Variants in UGT1A4 observed in about 807,000 individuals in gnomAD.
The protein encoded by UGT1A4 is UDP glucuronosyltransferase family 1 member A4, also known as UDP-glucuronosyltransferase 1A4.
UGT1A4 carries 32 observed loss-of-function variants against 41.1 expected under a neutral mutation model. That is an observed-to-expected ratio of 0.78 (90% CI 0.59 to 1.05). UGT1A4 has a LOEUF of 1.05. Ranked by LOEUF, UGT1A4 falls within the 50% of genes least tolerant of loss-of-function variation. The pLI, the probability that UGT1A4 is intolerant of heterozygous loss-of-function variation, is 0.00. For missense variants in UGT1A4, 748 were observed against 677.4 expected (o/e 1.10, Z -1.16); for synonymous variants, 283 against 265.1 (o/e 1.07, Z -0.66).
Position 233,748,142 on chromosome 2 carries a change from T to C in UGT1A4, c.868-18892T>C, listed in dbSNP as rs189249427. 1.9e-6 allele frequency: 3 copies of C among 1,607,776 alleles called. No homozygotes were observed. In the East Asian group the frequency reaches 6.7e-5, roughly 36 times the overall value. On this transcript the variant is annotated intron_variant, in intron 1 of 4. Coordinates refer to ENST00000373409, the MANE Select transcript of UGT1A4 (RefSeq NM_007120.3). ...CAAAACAGTTTTTAAAAATTGTATT[T>C]ACTTACAATTGCTTCCATATCTACT...
intron 1 of UGT1A4, chr2:233,755,184 T>C: frequency 8.4e-7 from 1 of 1,195,602 alleles, no homozygotes. Context: ...GGGGTGCCAC[T>C]TGAGCGCCAG....
rs753056825 is a variant in UGT1A4 at position 233,767,178 on chromosome 2, T to C, written c.999+13T>C. 16 of 1,614,056 alleles carry C rather than the reference T, an allele frequency of 9.9e-6. No homozygotes were observed. Among genetic ancestry groups the C allele is most frequent in the Non-Finnish European group, 1.4e-5 (16 of 1,180,000 alleles). On this transcript the variant is annotated intron_variant, in intron 2 of 4. Coordinates refer to ENST00000373409, the MANE Select transcript of UGT1A4 (RefSeq NM_007120.3). ...AATCCCTCAGACAGTAAGAAGATTCTATACCATGGCCTCATATCTATTTTC... is the reference window on the plus strand; with the variant it reads ...AATCCCTCAGACAGTAAGAAGATTCCATACCATGGCCTCATATCTATTTTC...
intron 1 of UGT1A4, chr2:233,760,221 A>G (rs920580015): frequency 2.5e-5 from 40 of 1,592,616 alleles, no homozygotes; most frequent in Non-Finnish European, 3.3e-5. Context: ...TGGTGTATCG[A>G]TTGGTTTTTG....
chr2:233,725,184 GCA>G lies in UGT1A4; in HGVS notation c.867+5498_867+5499del, dbSNP rs1575560324. ...CATGAGAGGGAGACCGTGGGGAGAG[GCA>G]GAGGCAGAGGCAGAGGCAGAGGCAG... On this transcript the variant is annotated intron_variant, in intron 1 of 4. Transcript: ENST00000373409. Among the ~76,000 whole-genome samples, 4 of 89,466 alleles carry G rather than the reference GCA, an allele frequency of 4.5e-5. 2 individuals are homozygous for G. The highest frequency in any genetic ancestry group is 1.9e-4 in the Admixed American group (2 of 10,264). 58.7% of individuals were successfully genotyped at this position (89,466 alleles called of 152,430 possible).
At chr2:233,733,885 A>AGCTCCTG (rs2078449357) in intron 1 of UGT1A4, among the ~76,000 whole-genome samples, 1 of 152,018 alleles carries the variant, frequency 6.6e-6, no homozygotes, top group Non-Finnish European at 1.5e-5. Flanking sequence ...GAATGGTACC[A>AGCTCCTG]GCTCCTGTTT....
At chr2:233,767,192 A>C (rs752013731) in intron 2 of UGT1A4, 27 bp downstream of exon 2, 1 of 1,613,796 alleles carries the variant, frequency 6.2e-7, no homozygotes, top group African/African-American at 1.3e-5. Context: ...CCATGGCCTC[A>C]TATCTATTTT....
chr2:233,720,877 T>C (rs1220969089), intron 1 of UGT1A4, among the ~76,000 whole-genome samples: 1 of 150,532 alleles, frequency 6.6e-6, no homozygotes, highest in Non-Finnish European at 1.5e-5. Context: ...GGCAATTTTT[T>C]TTTTTTTTTT....
chr2:233,736,686 T>C (rs2078793378), intron 1 of UGT1A4, among the ~76,000 whole-genome samples: 1 of 152,252 alleles, frequency 6.6e-6, no homozygotes, highest in Admixed American at 6.5e-5. Context: ...GTTGGTGACC[T>C]ACAGATGGGG....
At chr2:233,734,584 T>C (rs1211494079) in intron 1 of UGT1A4, among the ~76,000 whole-genome samples, 1 of 152,216 alleles carries the variant, frequency 6.6e-6, no homozygotes, top group East Asian at 1.9e-4. Flanking sequence ...CTTGCTTATC[T>C]AGTTCTTTTA....
intron 3 of UGT1A4, 45 bp downstream of exon 3, chr2:233,767,981 T>G: frequency 6.2e-7 from 1 of 1,614,178 alleles, no homozygotes; most frequent in Non-Finnish European, 8.5e-7. Flanking sequence ...AGGGTCAAAT[T>G]AAGAAAATGG....
intron 1 of UGT1A4, among the ~76,000 whole-genome samples, chr2:233,735,187 T>C (rs1397498111): frequency 6.8e-6 from 1 of 147,662 alleles, no homozygotes; most frequent in African/African-American, 2.5e-5. Flanking sequence ...GCTTTATGAA[T>C]CTAGGTGCTC....
chr2:233,739,738 C>G (rs1691193557), intron 1 of UGT1A4, among the ~76,000 whole-genome samples: 1 of 152,084 alleles, frequency 6.6e-6, no homozygotes, highest in Non-Finnish European at 1.5e-5. Flanking sequence ...TCAGATGAGA[C>G]CTTGGACTAT....
rs1315279815 is a variant in UGT1A4 at position 233,769,066 on chromosome 2, A to T, written c.1307+627A>T. Reference sequence around the variant, plus strand: ...ATCCATAAGTTTCCTGCACAGAAAGAAATACTCCATTATAAGAAGCATAGT... The same window carrying T: ...ATCCATAAGTTTCCTGCACAGAAAGTAATACTCCATTATAAGAAGCATAGT... On this transcript the variant is annotated intron_variant, in intron 4 of 4. Transcript: ENST00000373409. The surrounding 1 kb of genome is among the most constrained non-coding windows in gnomAD (Gnocchi z 4.4). 6.6e-6 allele frequency among the ~76,000 whole-genome samples: 1 copy of T among 152,220 alleles called. No homozygotes were observed. Among genetic ancestry groups the T allele is most frequent in the African/African-American group, 2.4e-5 (1 of 41,470 alleles).
At chr2:233,731,192 A>G (rs1451773849) in intron 1 of UGT1A4, among the ~76,000 whole-genome samples, 1 of 152,106 alleles carries the variant, frequency 6.6e-6, no homozygotes, top group African/African-American at 2.4e-5. Context: ...GTAATTATTC[A>G]ATTATAAAAT....
chr2:233,771,662 C>A (rs1000689194), intron 4 of UGT1A4: 1 of 152,330 alleles, frequency 6.6e-6, no homozygotes, highest in Non-Finnish European at 1.5e-5. Flanking sequence ...AATGAAATTT[C>A]TCACAAAATA....
intron 1 of UGT1A4, among the ~76,000 whole-genome samples, chr2:233,749,973 G>A (rs1482988958): frequency 6.6e-6 from 1 of 151,850 alleles, no homozygotes; most frequent in Non-Finnish European, 1.5e-5. Flanking sequence ...CTTTATAGCA[G>A]TGTGAGAATG....
chr2:233,754,656 T>C (rs776841418), intron 1 of UGT1A4: 5 of 458,568 alleles, frequency 1.1e-5, no homozygotes. Flanking sequence ...AATGATTCTC[T>C]TGGTGGTGAT....
chr2:233,739,303 T>C (rs1302009262), intron 1 of UGT1A4, among the ~76,000 whole-genome samples: 34 of 152,248 alleles, frequency 2.2e-4, no homozygotes, highest in Non-Finnish European at 1.2e-4. Context: ...GGGCACTGCC[T>C]AGTGGAGTTG....
intron 1 of UGT1A4, among the ~76,000 whole-genome samples, chr2:233,738,177 G>A (rs1690719124): frequency 1.3e-5 from 2 of 152,158 alleles, no homozygotes; most frequent in Non-Finnish European, 2.9e-5. Context: ...TTTCATGTAA[G>A]ACGTGTCTTT....
Sources: gnomAD v4.1 joint callset for allele counts (sites outside exome capture counted in the v4.1 genomes callset) on GRCh38, gnomAD v4.1.1 for gene constraint, Gnocchi (gnomAD v3.1) non-coding constraint, MANE v1.5 for transcripts, NCBI Gene and HGNC (gene_info 2026-07-23, HGNC 2026-07-21) for gene names.